The following SSBP2 variants were observed in gnomAD, a reference collection of about 807,000 sequenced individuals.
SSBP2 encodes the protein single-stranded DNA-binding protein 2.
A neutral mutation model predicts 61.8 loss-of-function variants in SSBP2; 17 were observed. That is an observed-to-expected ratio of 0.28 (90% confidence interval 0.19 to 0.41). The LOEUF is 0.41. Ranked by LOEUF, SSBP2 falls within the 10% of genes least tolerant of loss-of-function variation. The pLI, the probability that SSBP2 is intolerant of heterozygous loss-of-function variation, is 1.00. For synonymous variants in SSBP2, 139 were observed against 141.3 expected (o/e 0.98, Z 0.12); for missense variants, 310 against 458.7 (o/e 0.68, Z 2.96).
chr5:81,513,707 G>C lies in SSBP2; in HGVS notation c.293C>G (p.Ala98Gly). Residue 98 changes from alanine to glycine, a missense_variant, in exon 5 of 17, where the codon GCA (alanine) becomes GGA (glycine). Around this residue, in one of 4 missense-constraint regions of SSBP2, gnomAD observed 209 missense variants for 286.4 expected, o/e 0.73. Transcript: ENST00000320672. ...GTTTCCTAGCACTGGACTGGGAGCT[G>C]CTGCAGCACTCTGCAAAGAATAAAG... The C allele has an allele frequency of 6.2e-7, 1 of 1,610,950 alleles. No individual in the cohort carries two copies. Among genetic ancestry groups the C allele is most frequent in the Non-Finnish European group, 8.5e-7 (1 of 1,177,572 alleles).
chr5:81,597,194 G>A (rs1743849690), intron 4 of SSBP2, among the ~76,000 whole-genome samples: 1 of 152,110 alleles, frequency 6.6e-6, no homozygotes, highest in African/African-American at 2.4e-5. Context: ...CAAAAAGTGG[G>A]TGAAGGATAT....
intron 4 of SSBP2, among the ~76,000 whole-genome samples, chr5:81,526,964 C>CAAAAAACA (rs770777672): frequency 5.2e-4 from 78 of 151,138 alleles, no homozygotes; most frequent in African/African-American, 1.4e-3. Flanking sequence ...AACCAACCAA[C>CAAAAAACA]AAAAAACAAA....
chr5:81,561,306 CAAT>C (rs1393601744), intron 4 of SSBP2, among the ~76,000 whole-genome samples: 3 of 152,044 alleles, frequency 2.0e-5, no homozygotes, highest in South Asian at 2.1e-4. Flanking sequence ...TGGCAAACAA[CAAT>C]GAGCTTATCT....
intron 1 of SSBP2, among the ~76,000 whole-genome samples, chr5:81,696,701 A>C (rs2153861232): frequency 6.6e-6 from 1 of 152,314 alleles, no homozygotes; most frequent in Non-Finnish European, 1.5e-5. Context: ...AAACAAGCTA[A>C]TTTACATACC....
intron 1 of SSBP2, among the ~76,000 whole-genome samples, chr5:81,659,166 G>A (rs530294491): frequency 2.0e-5 from 3 of 152,156 alleles, no homozygotes; most frequent in Admixed American, 2.0e-4. Context: ...TTCTGGCCAG[G>A]GCAATCAGGC....
At chr5:81,473,623 T>C in intron 8 of SSBP2, 77 bp downstream of exon 8, 1 of 1,268,390 alleles carries the variant, frequency 7.9e-7, no homozygotes, top group Non-Finnish European at 1.1e-6. Flanking sequence ...CCACATTCTC[T>C]TTACCCAGTC....
chr5:81,671,419 T>C (rs10514226), intron 1 of SSBP2, among the ~76,000 whole-genome samples: 24,575 of 151,978 alleles, frequency 0.16, 3,896 homozygotes, highest in African/African-American at 0.41. Flanking sequence ...TGTAAAGTAC[T>C]GAGAACCAAT....
intron 5 of SSBP2, among the ~76,000 whole-genome samples, chr5:81,512,092 T>C (rs976070005): frequency 4.6e-5 from 7 of 152,354 alleles, no homozygotes; most frequent in African/African-American, 1.7e-4. Context: ...CTCTCAAATA[T>C]ATATTTTTCT....
intron 1 of SSBP2, among the ~76,000 whole-genome samples, chr5:81,707,225 T>TA (rs1754457452): frequency 1.3e-5 from 2 of 152,042 alleles, no homozygotes; most frequent in Admixed American, 6.6e-5. Flanking sequence ...AGGTAAATGT[T>TA]ATAGGTAAAA....
intron 4 of SSBP2, among the ~76,000 whole-genome samples, chr5:81,583,699 C>T (rs1774858502): frequency 6.6e-6 from 1 of 151,588 alleles, no homozygotes; most frequent in Non-Finnish European, 1.5e-5. Flanking sequence ...CATTGTTGAC[C>T]CACTAGCTGC....
chr5:81,538,786 G>T (rs1288955443), intron 4 of SSBP2, among the ~76,000 whole-genome samples: 2 of 152,162 alleles, frequency 1.3e-5, no homozygotes, highest in Non-Finnish European at 2.9e-5. Context: ...CAGCACATCT[G>T]TTCACAGAAT....
intron 4 of SSBP2, among the ~76,000 whole-genome samples, chr5:81,558,141 T>C (rs1413196048): frequency 6.6e-6 from 1 of 152,186 alleles, no homozygotes; most frequent in Non-Finnish European, 1.5e-5. Flanking sequence ...CATATACTGT[T>C]ACAGTACCCT....
Position 81,540,931 on chromosome 5 carries a change from GA to G in SSBP2, c.283-27215del, listed in dbSNP as rs71000842. 5.5e-3 allele frequency among the ~76,000 whole-genome samples: 775 copies of G among 139,874 alleles called. 3 individuals carry two copies. The highest frequency in any genetic ancestry group is 0.013 in the African/African-American group (471 of 36,890). The allele number at this position is 139,874 out of a possible 152,430, so 91.8% of individuals were successfully genotyped here. A position where few individuals can be genotyped will look rare whatever the true frequency, so the allele number is the denominator to read the frequency against. ...AGATCAATTGGGCAACAGAAAGTTA[GA>G]AAAAAAAAAAAGGTATCCAAATAAG... On this transcript the variant is annotated intron_variant, in intron 4 of 16. Coordinates refer to ENST00000320672, the MANE Select transcript of SSBP2 (RefSeq NM_012446.5).
chr5:81,428,131 A>G (rs1361938723), intron 16 of SSBP2, among the ~76,000 whole-genome samples: 1 of 152,184 alleles, frequency 6.6e-6, no homozygotes. Flanking sequence ...ATCACACGCA[A>G]GCAGTGACTT....
intron 1 of SSBP2, among the ~76,000 whole-genome samples, chr5:81,684,723 C>T (rs1297550501): frequency 2.0e-5 from 3 of 152,144 alleles, no homozygotes; most frequent in Non-Finnish European, 4.4e-5. Context: ...GAGTAACTAA[C>T]TTGTTTTTTA....
At chr5:81,587,373 T>C (rs892616521) in intron 4 of SSBP2, among the ~76,000 whole-genome samples, 11 of 152,150 alleles carry the variant, frequency 7.2e-5, no homozygotes, top group African/African-American at 2.4e-5. Context: ...GATTTTACCA[T>C]AACAACTAAG....
intron 5 of SSBP2, among the ~76,000 whole-genome samples, chr5:81,504,524 C>T (rs1469920814): frequency 2.0e-5 from 3 of 152,168 alleles, no homozygotes; most frequent in Non-Finnish European, 2.9e-5. Context: ...GTCCCTTAAC[C>T]TAGAGCACTT....
chr5:81,552,639 TA>T (rs33979294), intron 4 of SSBP2, among the ~76,000 whole-genome samples: 139 of 115,696 alleles, frequency 1.2e-3, no homozygotes, highest in East Asian at 2.4e-3. Context: ...CTATGTCTCT[TA>T]AAAAAAAAAA....
At chr5:81,627,345 C>T (rs1054569285) in intron 3 of SSBP2, among the ~76,000 whole-genome samples, 1 of 152,152 alleles carries the variant, frequency 6.6e-6, no homozygotes, top group African/African-American at 2.4e-5. Context: ...TATCAGCCTC[C>T]TCCTTCTAGC....
Sources: gnomAD v4.1 joint callset for allele counts (sites outside exome capture counted in the v4.1 genomes callset) on GRCh38, gnomAD v4.1.1 for gene constraint, gnomAD v4.1.1 regional missense constraint, MANE v1.5 for transcripts, NCBI Gene and HGNC (gene_info 2026-07-23, HGNC 2026-07-21) for gene names.